The following UMAD1 variants were observed in gnomAD, a reference collection of about 807,000 sequenced individuals.
UMAD1 encodes UBAP1-MVB12-associated (UMA)-domain containing protein 1.
Under a neutral mutation model 6.1 loss-of-function variants are expected in UMAD1, and 8 were observed. The observed-to-expected ratio is 1.30, with a 90% CI of 0.76 to 2.35. The LOEUF (loss-of-function observed/expected upper bound fraction) is 2.35, where lower values mean the gene tolerates loss of function less well. UMAD1 is among the 30% of genes most tolerant of loss of function. The pLI, the probability that UMAD1 is intolerant of heterozygous loss-of-function variation, is 0.00. For synonymous variants in UMAD1, 56 were observed against 31.4 expected (o/e 1.78, Z -2.61); for missense variants, 130 against 78.4 (o/e 1.66, Z -2.49).
intron 2 of UMAD1, among the ~76,000 whole-genome samples, chr7:7,708,043 T>C (rs1338334671): frequency 6.6e-6 from 1 of 152,226 alleles, no homozygotes; most frequent in Non-Finnish European, 1.5e-5. Context: ...TTTGCTTCAT[T>C]AAGGTCTGTT....
chr7:7,765,622 C>T (rs1169980407), intron 2 of UMAD1, among the ~76,000 whole-genome samples: 4 of 152,084 alleles, frequency 2.6e-5, no homozygotes. Context: ...GGTAGGCCTG[C>T]CCTGAGGGTT....
chr7:7,875,226 C>T (rs568861074), intron 3 of UMAD1, among the ~76,000 whole-genome samples: 5 of 152,148 alleles, frequency 3.3e-5, no homozygotes, highest in East Asian at 1.9e-4. Context: ...TAAATGCCCA[C>T]GGGAGAAAGC....
chr7:7,751,294 T>C (rs962243668), intron 2 of UMAD1, among the ~76,000 whole-genome samples: 7 of 152,188 alleles, frequency 4.6e-5, no homozygotes, highest in African/African-American at 1.7e-4. Context: ...ATAAAACTTT[T>C]AGAGTTGGTA....
intron 2 of UMAD1, among the ~76,000 whole-genome samples, chr7:7,753,811 A>G (rs13234233): frequency 0.16 from 24,108 of 152,158 alleles, 2,025 homozygotes; most frequent in African/African-American, 0.21. Context: ...TTGCTGGATC[A>G]TATGGTAGCT....
At chr7:7,725,982 C>T (rs1201138117) in intron 2 of UMAD1, among the ~76,000 whole-genome samples, 1 of 152,196 alleles carries the variant, frequency 6.6e-6, no homozygotes, top group African/African-American at 2.4e-5. Flanking sequence ...TCCCAATGGG[C>T]AGAACTTTGA....
rs534240322 is a variant in UMAD1, at chr7:7,683,836, C to T, written c.82+10383C>T. ...CAGGGTTTCACCATGTTGGCCAGGC[C>T]GGTCTCAAACTCCTGACCTCAGGTG... On this transcript the variant is annotated intron_variant, in intron 2 of 3. Coordinates refer to ENST00000682710, the MANE Select transcript of UMAD1 (RefSeq NM_001302348.2). Among the ~76,000 whole-genome samples, 38 of 152,064 alleles carry T rather than the reference C, an allele frequency of 2.5e-4. No individual in the cohort carries two copies. In the South Asian group the frequency reaches 3.3e-3, roughly 13 times the overall value.
chr7:7,790,830 A>C (rs1782554800), intron 2 of UMAD1, among the ~76,000 whole-genome samples: 1 of 152,152 alleles, frequency 6.6e-6, no homozygotes, highest in South Asian at 2.1e-4. Flanking sequence ...TGCTATCTCT[A>C]ACATGTGTTC....
intron 3 of UMAD1, among the ~76,000 whole-genome samples, chr7:7,819,771 G>A (rs1783206360): frequency 6.6e-6 from 1 of 152,122 alleles, no homozygotes; most frequent in Admixed American, 6.6e-5. Context: ...GTTCAGTTTG[G>A]TTAATAAATT....
chr7:7,684,836 C>G (rs753739622), intron 2 of UMAD1, among the ~76,000 whole-genome samples: 4 of 152,178 alleles, frequency 2.6e-5, no homozygotes, highest in Non-Finnish European at 5.9e-5. Flanking sequence ...TGTTTTAATA[C>G]AACTATTTGG....
intron 3 of UMAD1, among the ~76,000 whole-genome samples, chr7:7,836,366 A>C (rs1783571009): frequency 6.6e-6 from 1 of 152,072 alleles, no homozygotes; most frequent in African/African-American, 2.4e-5. Context: ...GGTTTGCTCA[A>C]AATGATCACT....
chr7:7,868,959 C>G (rs780393578), intron 3 of UMAD1, among the ~76,000 whole-genome samples: 1 of 152,082 alleles, frequency 6.6e-6, no homozygotes, highest in African/African-American at 2.4e-5. Context: ...AGGTGCTGTT[C>G]TGGGTACTGG....
At chr7:7,676,652 T>G (rs1779748157) in intron 2 of UMAD1, among the ~76,000 whole-genome samples, 1 of 152,204 alleles carries the variant, frequency 6.6e-6, no homozygotes, top group South Asian at 2.1e-4. Context: ...AAAGTTTGGC[T>G]TTTATTTTGG....
intron 2 of UMAD1, among the ~76,000 whole-genome samples, chr7:7,785,678 G>A (rs1287754386): frequency 6.6e-6 from 1 of 152,188 alleles, no homozygotes; most frequent in Non-Finnish European, 1.5e-5. Context: ...AACTTGAGTA[G>A]AGTCAGTGGC....
At chr7:7,815,283 A>C (rs1008564334) in intron 3 of UMAD1, among the ~76,000 whole-genome samples, 1 of 152,148 alleles carries the variant, frequency 6.6e-6, no homozygotes, top group Non-Finnish European at 1.5e-5. Flanking sequence ...GTCAATATGT[A>C]ATATTTATTT....
intron 2 of UMAD1, among the ~76,000 whole-genome samples, chr7:7,789,619 T>TCCCCCCCCCCC (rs200939941): frequency 6.9e-6 from 1 of 145,978 alleles, no homozygotes; most frequent in African/African-American, 2.6e-5. Context: ...ATACCCCTTC[T>TCCCCCCCCCCC]CCCCTCCCCA....
At chr7:7,692,042 C>T (rs1327380275) in intron 2 of UMAD1, among the ~76,000 whole-genome samples, 1 of 152,150 alleles carries the variant, frequency 6.6e-6, no homozygotes, top group Non-Finnish European at 1.5e-5. Flanking sequence ...ACACATAGTA[C>T]AGTATGTTGA....
At chr7:7,800,478 T>C (rs1563216474) in intron 2 of UMAD1, among the ~76,000 whole-genome samples, 1 of 152,184 alleles carries the variant, frequency 6.6e-6, no homozygotes, top group Non-Finnish European at 1.5e-5. Context: ...GGGGAACAGA[T>C]GGTGTTTGGT....
At chr7:7,646,661 A>G (rs150820472) in intron 1 of UMAD1, among the ~76,000 whole-genome samples, 1 of 151,878 alleles carries the variant, frequency 6.6e-6, no homozygotes, top group African/African-American at 2.4e-5. Flanking sequence ...ATGAAAATGA[A>G]CTAATACAGA....
At chr7:7,862,584 G>A (rs918505623) in intron 3 of UMAD1, among the ~76,000 whole-genome samples, 1 of 152,160 alleles carries the variant, frequency 6.6e-6, no homozygotes, top group Non-Finnish European at 1.5e-5. Context: ...TGAAGAATTC[G>A]TGCACAAAAG....
Sources: allele counts gnomAD v4.1 joint callset (sites outside exome capture counted in the v4.1 genomes callset), GRCh38; gene constraint gnomAD v4.1.1; transcripts MANE v1.5; gene names NCBI Gene and HGNC (gene_info 2026-07-23, HGNC 2026-07-21).